BCAR3: variants seen among roughly 807,000 people sequenced by gnomAD.
The protein encoded by BCAR3 is breast cancer anti-estrogen resistance protein 3.
A neutral mutation model predicts 80.1 loss-of-function variants in BCAR3; 37 were observed. That is an observed-to-expected ratio of 0.46 (90% confidence interval 0.36 to 0.61). The LOEUF (loss-of-function observed/expected upper bound fraction) is 0.61, where lower values mean the gene tolerates loss of function less well. Among genes scored for constraint, BCAR3 ranks in the 20% least tolerant of loss-of-function variants. BCAR3 has a pLI of 0.00. For missense variants in BCAR3, 978 were observed against 1,068.2 expected, an observed-to-expected ratio of 0.92 and a Z score of 1.18; for synonymous variants, 389 against 418.9, an observed-to-expected ratio of 0.93 and a Z score of 0.87.
chr1:93,726,896 G>A (rs1300214383), intron 2 of BCAR3, among the ~76,000 whole-genome samples: 11 of 152,098 alleles, frequency 7.2e-5, no homozygotes, highest in Non-Finnish European at 1.0e-4. Context: ...CTTTACTAAC[G>A]AAGCTGAGCA....
rs144829432 is a variant in BCAR3 at position 93,814,468 on chromosome 1, C to T, written c.-63+31099G>A. On this transcript the variant is annotated intron_variant, in intron 2 of 13. Transcript: ENST00000370244. ...AAGTCTACACTGGCTGCTATGACTTCTAGGCGGGCAGGGCCTGGTGGTCCC... is the reference window on the plus strand; with the variant it reads ...AAGTCTACACTGGCTGCTATGACTTTTAGGCGGGCAGGGCCTGGTGGTCCC... Among the ~76,000 whole-genome samples, 3 of 152,336 alleles carry T rather than the reference C, an allele frequency of 2.0e-5. No individual in the cohort carries two copies. The East Asian group carries it at 5.8e-4, about 29-fold the overall frequency.
At chr1:93,802,237 G>C (rs1304998580) in intron 2 of BCAR3, among the ~76,000 whole-genome samples, 1 of 151,894 alleles carries the variant, frequency 6.6e-6, no homozygotes, top group East Asian at 1.9e-4. Flanking sequence ...TTGAACCCAG[G>C]AGTTAAAGGC....
At chr1:93,763,258 C>G (rs1278588596) in intron 2 of BCAR3, among the ~76,000 whole-genome samples, 1 of 152,076 alleles carries the variant, frequency 6.6e-6, no homozygotes, top group Non-Finnish European at 1.5e-5. Context: ...GAGTTGGGGT[C>G]TCACCATGTT....
chr1:93,614,051 A>T, intron 3 of BCAR3: 1 of 1,452,978 alleles, frequency 6.9e-7, no homozygotes, highest in Non-Finnish European at 9.1e-7. Flanking sequence ...AAGTCAGGGA[A>T]GTCGGCAGCC....
chr1:93,690,740 A>G (rs1352127348), intron 3 of BCAR3, among the ~76,000 whole-genome samples: 7 of 152,234 alleles, frequency 4.6e-5, no homozygotes, highest in Admixed American at 4.6e-4. Context: ...TGCTGTTGTG[A>G]AAATTACAAA....
chr1:93,615,101 G>A (rs1191332846), intron 3 of BCAR3, among the ~76,000 whole-genome samples: 3 of 149,368 alleles, frequency 2.0e-5, no homozygotes, highest in Admixed American at 6.7e-5. Flanking sequence ...TTGTGGCTTC[G>A]GCCTCAAATA....
chr1:93,762,932 G>T (rs1056934792), intron 2 of BCAR3, among the ~76,000 whole-genome samples: 3 of 152,064 alleles, frequency 2.0e-5, no homozygotes, highest in African/African-American at 7.2e-5. Flanking sequence ...CTTGTCAAAT[G>T]ACCACTCCTT....
chr1:93,588,383 C>T (rs1357167402), intron 5 of BCAR3, among the ~76,000 whole-genome samples: 1 of 152,140 alleles, frequency 6.6e-6, no homozygotes, highest in Non-Finnish European at 1.5e-5. Flanking sequence ...CCATGACTCA[C>T]TAACTGGGTT....
intron 2 of BCAR3, among the ~76,000 whole-genome samples, chr1:93,734,208 C>A (rs562977099): frequency 2.0e-5 from 3 of 152,200 alleles, no homozygotes; most frequent in African/African-American, 7.2e-5. Context: ...AGTTTCAAGG[C>A]GCACATTTGT....
intron 2 of BCAR3, among the ~76,000 whole-genome samples, chr1:93,660,052 A>C (rs1647575736): frequency 6.9e-6 from 1 of 144,156 alleles, no homozygotes; most frequent in African/African-American, 2.6e-5. Context: ...GAATAAATGA[A>C]CGTGTGTGTG....
At chr1:93,691,123 T>C (rs1649171324) in intron 3 of BCAR3, among the ~76,000 whole-genome samples, 1 of 152,124 alleles carries the variant, frequency 6.6e-6, no homozygotes, top group Non-Finnish European at 1.5e-5. Context: ...CTGAGCAAAT[T>C]ACATAGCAGA....
chr1:93,717,158 T>C (rs72965425), intron 2 of BCAR3, among the ~76,000 whole-genome samples: 3,973 of 152,252 alleles, frequency 0.026, 177 homozygotes, highest in African/African-American at 0.09. Flanking sequence ...TGCTGAAGGA[T>C]GAGAGACCTC....
rs111932839 is a variant in BCAR3, at chr1:93,573,122, G to C, written c.1803-1281C>G. Among the ~76,000 whole-genome samples, 142 of 147,362 alleles carry C rather than the reference G, an allele frequency of 9.6e-4. 1 individual carries two copies. The highest frequency in any genetic ancestry group is 3.4e-3 in the African/African-American group (136 of 40,442). The stretch of plus-strand genomic sequence containing the variant: ...ATAGGTGTGAAAATAATTAAAGTGA[G>C]CCAGGTCTCAGGCCTGTAATCCCAG... On this transcript the variant is annotated intron_variant, in intron 8 of 11. Coordinates refer to ENST00000260502, the MANE Select transcript of BCAR3 (RefSeq NM_003567.4).
At chr1:93,675,920 G>C (rs1200067589) in intron 1 of BCAR3, among the ~76,000 whole-genome samples, 2 of 82,266 alleles carry the variant, frequency 2.4e-5, no homozygotes, top group African/African-American at 1.4e-4. Flanking sequence ...AAAAGAAATA[G>C]GAGACAAAAA....
intron 3 of BCAR3, among the ~76,000 whole-genome samples, chr1:93,638,156 G>A (rs1307688740): frequency 6.6e-6 from 1 of 152,216 alleles, no homozygotes; most frequent in African/African-American, 2.4e-5. Flanking sequence ...GGCTGAGGCA[G>A]GATAATCGCT....
intron 3 of BCAR3, among the ~76,000 whole-genome samples, chr1:93,637,304 G>A (rs972165309): frequency 6.6e-5 from 10 of 151,924 alleles, no homozygotes; most frequent in African/African-American, 2.4e-4. Context: ...TGAGGTGCCT[G>A]CCACCATGCC....
chr1:93,669,370 C>T (rs75383800), intron 2 of BCAR3, among the ~76,000 whole-genome samples: 253 of 152,302 alleles, frequency 1.7e-3, no homozygotes, highest in South Asian at 4.1e-3. Flanking sequence ...TACATCTTTG[C>T]TTCAACCTTG....
intron 3 of BCAR3, among the ~76,000 whole-genome samples, chr1:93,598,388 T>G (rs1047606902): frequency 6.6e-6 from 1 of 152,224 alleles, no homozygotes; most frequent in Non-Finnish European, 1.5e-5. Context: ...ACTCTATCCC[T>G]GCCTGTAAGA....
intron 2 of BCAR3, among the ~76,000 whole-genome samples, chr1:93,749,794 T>C (rs1651489255): frequency 6.6e-6 from 1 of 152,086 alleles, no homozygotes; most frequent in East Asian, 1.9e-4. Context: ...GTAAAGCAAA[T>C]TGCACCTGCA....
Sources: allele counts gnomAD v4.1 joint callset (sites outside exome capture counted in the v4.1 genomes callset), GRCh38; gene constraint gnomAD v4.1.1; transcripts MANE v1.5; gene names NCBI Gene and HGNC (gene_info 2026-07-23, HGNC 2026-07-21).